The following GNAL variants were observed in gnomAD, a reference collection of about 807,000 sequenced individuals.
GNAL encodes guanine nucleotide-binding protein G(olf) subunit alpha.
In GNAL, 18 loss-of-function variants were observed where a neutral mutation model predicts 55.1. The observed-to-expected ratio is 0.33, with a 90% CI of 0.23 to 0.48. The LOEUF (loss-of-function observed/expected upper bound fraction) is 0.48. GNAL is among the 20% of genes least tolerant of loss of function. GNAL has a pLI of 0.99. For missense variants in GNAL, 412 were observed against 614.1 expected, an observed-to-expected ratio of 0.67 and a Z score of 3.48; for synonymous variants, 253 against 237.0, an observed-to-expected ratio of 1.07 and a Z score of -0.62.
intron 1 of GNAL, among the ~76,000 whole-genome samples, chr18:11,735,295 C>T (rs1568003302): frequency 6.6e-6 from 1 of 151,984 alleles, no homozygotes; most frequent in East Asian, 2.0e-4. Flanking sequence ...AAGTGATCCA[C>T]CCGCCTTGCC....
intron 11 of GNAL, among the ~76,000 whole-genome samples, chr18:11,877,382 G>A (rs1053814271): frequency 1.3e-5 from 2 of 152,138 alleles, no homozygotes; most frequent in African/African-American, 2.4e-5. Context: ...TGAAACCCAG[G>A]AGGCGGAGGT....
intron 1 of GNAL, among the ~76,000 whole-genome samples, chr18:11,744,154 G>T (rs1486280114): frequency 6.6e-6 from 1 of 152,180 alleles, no homozygotes; most frequent in Non-Finnish European, 1.5e-5. Flanking sequence ...GGTGAAGTCA[G>T]AGACATGTAA....
chr18:11,852,160 GCTCT>G lies in GNAL; in HGVS notation c.723-10232_723-10229del, dbSNP rs888265335. The stretch of plus-strand genomic sequence containing the variant: ...CCTGGCCATAGCCACCCTTTGAAAT[GCTCT>G]CTGTGTGTTAGAGAGATACTATACC... On this transcript the variant is annotated intron_variant, in intron 5 of 11. Transcript: ENST00000334049. 7.9e-6 allele frequency: 12 copies of G among 1,510,528 alleles called. No individual in the cohort carries two copies. The African/African-American group carries it at 1.5e-4, about 19-fold the overall frequency. 93.6% of individuals were successfully genotyped at this position (1,510,528 alleles called of 1,614,324 possible).
intron 1 of GNAL, among the ~76,000 whole-genome samples, chr18:11,733,479 T>C (rs1401505485): frequency 3.3e-5 from 5 of 152,180 alleles, no homozygotes; most frequent in Non-Finnish European, 7.4e-5. Context: ...CTCTCACTGG[T>C]GTGTTCTCAT....
At chr18:11,753,784 G>A (rs2032942748) in intron 3 of GNAL, 42 bp from the exon 4 acceptor site, 7 of 1,541,266 alleles carry the variant, frequency 4.5e-6, no homozygotes, top group Non-Finnish European at 6.3e-6. Flanking sequence ...CATACATGGA[G>A]CCTAAATGTT....
chr18:11,828,853 G>A (rs1274040919), intron 5 of GNAL, among the ~76,000 whole-genome samples: 2 of 152,110 alleles, frequency 1.3e-5, no homozygotes, highest in African/African-American at 4.8e-5. Flanking sequence ...TACTTTTATG[G>A]GAAAATTAAC....
At chr18:11,829,840 T>C (rs1025707302) in intron 5 of GNAL, among the ~76,000 whole-genome samples, 3 of 152,000 alleles carry the variant, frequency 2.0e-5, no homozygotes, top group African/African-American at 7.3e-5. Flanking sequence ...TGAAACCCCG[T>C]CTCTACTAAA....
chr18:11,880,208 G>A (rs906182381), intron 11 of GNAL, among the ~76,000 whole-genome samples: 4 of 151,342 alleles, frequency 2.6e-5, no homozygotes, highest in Admixed American at 6.6e-5. Flanking sequence ...AGTGAGCCGA[G>A]ATGGCACCAC....
chr18:11,761,203 C>T (rs896582826), intron 4 of GNAL, among the ~76,000 whole-genome samples: 4 of 152,168 alleles, frequency 2.6e-5, no homozygotes, highest in Admixed American at 1.3e-4. Flanking sequence ...CCGCCTGCAC[C>T]TCCACCTCAA....
intron 5 of GNAL, among the ~76,000 whole-genome samples, chr18:11,845,080 G>A (rs749573399): frequency 1.2e-4 from 18 of 152,110 alleles, no homozygotes; most frequent in Non-Finnish European, 2.4e-4. Context: ...TAGCCAGGCT[G>A]GTCTCAATCT....
At chr18:11,878,819 C>A (rs1196259878) in intron 11 of GNAL, among the ~76,000 whole-genome samples, 1 of 152,044 alleles carries the variant, frequency 6.6e-6, no homozygotes, top group African/African-American at 2.4e-5. Context: ...CCTCCTGCCT[C>A]CACCTCCCAA....
intron 4 of GNAL, among the ~76,000 whole-genome samples, chr18:11,787,063 C>T (rs1343867736): frequency 6.6e-6 from 1 of 152,024 alleles, no homozygotes; most frequent in Non-Finnish European, 1.5e-5. Context: ...AACAACACAG[C>T]GAGACCTCAT....
chr18:11,809,778 C>T (rs895324141), intron 4 of GNAL, among the ~76,000 whole-genome samples: 4 of 152,106 alleles, frequency 2.6e-5, no homozygotes, highest in African/African-American at 4.8e-5. Flanking sequence ...AAATGTAAAA[C>T]TTGAAATATT....
chr18:11,884,341 A>G lies in GNAL; in HGVS notation c.*3206A>G, dbSNP rs970566886. 1.3e-4 allele frequency: 135 copies of G among 1,072,578 alleles called. No homozygotes were observed. Among genetic ancestry groups the G allele is most frequent in the African/African-American group, 9.4e-4 (60 of 63,670 alleles). The allele number at this position is 1,072,578 out of a possible 1,614,324, so 66.4% of individuals were successfully genotyped here. On this transcript the variant is annotated 3_prime_UTR_variant, in exon 12 of 12. Coordinates refer to ENST00000334049, the MANE Select transcript of GNAL (RefSeq NM_182978.4). ...GTGATTGAGAATTTCTGTGCTGTGC[A>G]GAGAGACGGCCTGTAATTGGTCTCA...
At chr18:11,830,282 CTTTTTTTTTTTT>C (rs71172023) in intron 5 of GNAL, among the ~76,000 whole-genome samples, 1 of 99,218 alleles carries the variant, frequency 1.0e-5, no homozygotes, top group Non-Finnish European at 1.8e-5. Context: ...AGAATTGCAT[CTTTTTTTTTTTT>C]TTTTTTTTTG....
At chr18:11,866,977 G>T (rs1028073391) in intron 7 of GNAL, among the ~76,000 whole-genome samples, 191 bp from the exon 8 acceptor site, 12 of 152,152 alleles carry the variant, frequency 7.9e-5, no homozygotes, top group Non-Finnish European at 1.8e-4. Flanking sequence ...GAGGGACTGC[G>T]GCTGAGAGAG....
At position 11,752,768 on chromosome 18, in the gene GNAL, G is replaced by A. The variant is rs886891983; in HGVS notation, c.377-85G>A. The stretch of plus-strand genomic sequence containing the variant: ...TGTAGGAAATCCCCGTGCTGGGGGA[G>A]GAGGATTGCTCAGACCCGGCTAGTG... On this transcript the variant is annotated intron_variant, in intron 1 of 11. Transcript: ENST00000334049. This position sits in a 1 kb window ranked among gnomAD's most constrained non-coding sequence, Gnocchi z 4.5. The A allele has an allele frequency of 5.3e-6, 6 of 1,142,564 alleles. No homozygotes were observed. The African/African-American group carries it at 1.1e-4, about 20-fold the overall frequency. 70.8% of individuals were successfully genotyped at this position (1,142,564 alleles called of 1,614,324 possible). A position where few individuals can be genotyped will look rare whatever the true frequency, so the allele number is the denominator to read the frequency against.
At position 11,689,824 on chromosome 18, in the gene GNAL, G is replaced by GCGGCCAAGGAGCGCGAA. The variant is rs2031178887; in HGVS notation, c.261_262insCGGCCAAGGAGCGCGAA (p.Ala88ArgfsTer20). The GCGGCCAAGGAGCGCGAA allele has an allele frequency of 1.3e-6, 2 of 1,537,404 alleles. No homozygotes were observed. The highest frequency in any genetic ancestry group is 2.8e-5 in the African/African-American group (2 of 70,416). On this transcript the variant is annotated frameshift_variant, in exon 1 of 12. Coordinates refer to ENST00000334049, the MANE Select transcript of GNAL (RefSeq NM_182978.4). LOFTEE classifies it high-confidence loss of function. Reference sequence around the variant, plus strand: ...AGCAGCTGAGTGCCGAGGAGCGCGAGGCGGCCAAGGAGCGCGAGGCGGTCA... The same window carrying GCGGCCAAGGAGCGCGAA: ...AGCAGCTGAGTGCCGAGGAGCGCGAGCGGCCAAGGAGCGCGAAGCGGCCAAGGAGCGCGAGGCGGTCA...
At chr18:11,768,403 A>G (rs1424753659) in intron 4 of GNAL, among the ~76,000 whole-genome samples, 2 of 152,124 alleles carry the variant, frequency 1.3e-5, no homozygotes, top group Non-Finnish European at 2.9e-5. Context: ...GGAGTTCGAG[A>G]CCAGCCTGAC....
Sources: gnomAD v4.1 joint callset for allele counts (sites outside exome capture counted in the v4.1 genomes callset) on GRCh38, gnomAD v4.1.1 for gene constraint, Gnocchi (gnomAD v3.1) non-coding constraint, MANE v1.5 for transcripts, NCBI Gene and HGNC (gene_info 2026-07-23, HGNC 2026-07-21) for gene names.